USP15: variants seen among roughly 807,000 people sequenced by gnomAD.
The protein encoded by USP15 is ubiquitin specific peptidase 15.
A neutral mutation model predicts 127.1 loss-of-function variants in USP15; 18 were observed. The ratio of observed to expected loss-of-function variants is 0.14; its 90% CI spans 0.10 to 0.21. The LOEUF (loss-of-function observed/expected upper bound fraction) is 0.21. Ranked by LOEUF, USP15 falls within the 10% of genes least tolerant of loss-of-function variation. USP15 has a pLI of 1.00. For missense variants in USP15, 805 were observed against 1,159.9 expected (o/e 0.69, Z 4.44); for synonymous variants, 364 against 393.7 (o/e 0.92, Z 0.89).
Position 62,304,628 on chromosome 12 carries a change from A to T in USP15, c.348+1708A>T, listed in dbSNP as rs148283876. The T allele has an allele frequency of 5.5e-4, 234 of 428,608 alleles. 1 individual carries two copies. The highest frequency in any genetic ancestry group is 4.7e-3 in the African/African-American group (226 of 48,514). The allele number at this position is 428,608 out of a possible 1,614,324, so 26.6% of individuals were successfully genotyped here. On this transcript the variant is annotated intron_variant, in intron 3 of 21. Transcript: ENST00000280377. ...AGCTATAATGCAGAAACCAAGTTAA[A>T]CATCTTCCTGTACCTCAAAGATCTC...
At chr12:62,318,804 C>T (rs1159025800) in intron 4 of USP15, among the ~76,000 whole-genome samples, 1 of 152,180 alleles carries the variant, frequency 6.6e-6, no homozygotes, top group African/African-American at 2.4e-5. Context: ...ATTCCCACTT[C>T]TGCTCTTCCA....
At chr12:62,265,871 G>T (rs2063180394) in intron 1 of USP15, among the ~76,000 whole-genome samples, 1 of 152,116 alleles carries the variant, frequency 6.6e-6, no homozygotes, top group South Asian at 2.1e-4. Flanking sequence ...TTATTTTAAA[G>T]ATTCATTTTT....
chr12:62,285,253 C>G (rs2063756081), intron 1 of USP15, among the ~76,000 whole-genome samples: 2 of 152,098 alleles, frequency 1.3e-5, no homozygotes, highest in African/African-American at 4.8e-5. Flanking sequence ...CCCTCTCCTG[C>G]CTCCCACCCT....
At chr12:62,292,444 ACCTGGG>A (rs2063999577) in intron 1 of USP15, among the ~76,000 whole-genome samples, 1 of 152,292 alleles carries the variant, frequency 6.6e-6, no homozygotes, top group African/African-American at 2.4e-5. Context: ...TTTCTCATGA[ACCTGGG>A]CCCAGAGGCC....
rs1313876121 is a variant in USP15 at position 62,411,674 on chromosome 12, A to G, written c.*7299A>G. 1.3e-5 allele frequency: 2 copies of G among 152,230 alleles called. No individual in the cohort carries two copies. The highest frequency in any genetic ancestry group is 2.9e-5 in the Non-Finnish European group (2 of 68,050). 9.4% of individuals were successfully genotyped at this position (152,230 alleles called of 1,614,324 possible). ...ATAGTCTGCTCAGGCTGCCATAACAAACACAGACTGGGTGGCTTAAATAAC... is the reference window on the plus strand; with the variant it reads ...ATAGTCTGCTCAGGCTGCCATAACAGACACAGACTGGGTGGCTTAAATAAC... On this transcript the variant is annotated 3_prime_UTR_variant, in exon 22 of 22. Coordinates refer to ENST00000280377, the MANE Select transcript of USP15 (RefSeq NM_001252078.2).
At chr12:62,357,119 A>C (rs2066156042) in intron 8 of USP15, among the ~76,000 whole-genome samples, 1 of 152,036 alleles carries the variant, frequency 6.6e-6, no homozygotes, top group Admixed American at 6.6e-5. Flanking sequence ...TTTCAACAAC[A>C]TAGGGATTCA....
At chr12:62,293,980 A>G (rs2064054282) in intron 1 of USP15, among the ~76,000 whole-genome samples, 199 bp from the exon 2 acceptor site, 4 of 152,282 alleles carry the variant, frequency 2.6e-5, no homozygotes, top group Admixed American at 1.3e-4. Flanking sequence ...TAAGTAGTAT[A>G]TATTTATAGA....
intron 3 of USP15, chr12:62,303,423 T>G (rs1433269407): frequency 6.6e-6 from 1 of 152,388 alleles, no homozygotes; most frequent in East Asian, 1.9e-4. Flanking sequence ...ACCAATTTCG[T>G]TTTTTTAGGG....
intron 8 of USP15, among the ~76,000 whole-genome samples, chr12:62,371,258 T>A (rs2137525992): frequency 6.6e-6 from 1 of 152,326 alleles, no homozygotes; most frequent in East Asian, 1.9e-4. Flanking sequence ...TCTTTGTATA[T>A]ACTGTTACCG....
chr12:62,368,397 T>G (rs2066551258), intron 8 of USP15, among the ~76,000 whole-genome samples: 1 of 152,192 alleles, frequency 6.6e-6, no homozygotes, highest in Non-Finnish European at 1.5e-5. Flanking sequence ...CTGTCTAATA[T>G]TAACAGTGGG....
At chr12:62,321,737 G>A in intron 5 of USP15, 128 bp downstream of exon 5, 1 of 665,960 alleles carries the variant, frequency 1.5e-6, no homozygotes, top group African/African-American at 1.9e-5. Flanking sequence ...CTCATCTCTT[G>A]TCTTTCCTTG....
intron 1 of USP15, among the ~76,000 whole-genome samples, chr12:62,288,434 T>C (rs1345293576): frequency 6.6e-6 from 1 of 151,416 alleles, no homozygotes; most frequent in African/African-American, 2.4e-5. Flanking sequence ...ATAAAATTGC[T>C]TCTGGTTTTT....
At chr12:62,260,988 A>C (rs1430762348) in intron 1 of USP15, among the ~76,000 whole-genome samples, 1 of 152,124 alleles carries the variant, frequency 6.6e-6, no homozygotes, top group Non-Finnish European at 1.5e-5. Context: ...GGCAGGCTGC[A>C]GGATGTTTGC....
In USP15 at chr12:62,410,003, T is replaced by C. The variant is rs1431097821; in HGVS notation, c.*5628T>C. ...GTTCATGATTAAGTATGCTAAGTTT[T>C]AAGTAATTTAGACTAATGTATTAAA... On this transcript the variant is annotated 3_prime_UTR_variant, in exon 22 of 22. Transcript: ENST00000280377. 1 of 152,156 alleles carries C rather than the reference T, an allele frequency of 6.6e-6. No individual in the cohort carries two copies. Among genetic ancestry groups the C allele is most frequent in the African/African-American group, 2.4e-5 (1 of 41,458 alleles). 9.4% of individuals were successfully genotyped at this position (152,156 alleles called of 1,614,324 possible). A position where few individuals can be genotyped will look rare whatever the true frequency, so the allele number is the denominator to read the frequency against.
At position 62,350,952 on chromosome 12, in the gene USP15, C is replaced by T. The variant is rs181684327; in HGVS notation, c.770+1645C>T. Among the ~76,000 whole-genome samples the T allele has an allele frequency of 1.2e-3, 185 of 152,004 alleles. 1 individual carries two copies. Among genetic ancestry groups the T allele is most frequent in the Non-Finnish European group, 2.2e-3 (148 of 67,996 alleles). On this transcript the variant is annotated intron_variant, in intron 7 of 21. Coordinates refer to ENST00000280377, the MANE Select transcript of USP15 (RefSeq NM_001252078.2). ...GATAAATATTTTACATTTTCACATT[C>T]ACTACTGATTAGAGATATGTAAATT...
chr12:62,268,988 A>G (rs1333310522), intron 1 of USP15, among the ~76,000 whole-genome samples: 1 of 146,932 alleles, frequency 6.8e-6, no homozygotes, highest in Non-Finnish European at 1.5e-5. Context: ...TTTTATATAA[A>G]TGGAATCGTA....
chr12:62,342,668 G>T (rs922697623), intron 6 of USP15, among the ~76,000 whole-genome samples: 1 of 152,214 alleles, frequency 6.6e-6, no homozygotes, highest in African/African-American at 2.4e-5. Flanking sequence ...TCTTCTGCAG[G>T]TCTGCTGCAG....
intron 1 of USP15, among the ~76,000 whole-genome samples, chr12:62,268,124 T>A (rs2063242660): frequency 6.6e-6 from 1 of 152,134 alleles, no homozygotes; most frequent in African/African-American, 2.4e-5. Context: ...GTTCTCTAGA[T>A]ACAGGTTCCA....
At position 62,304,535 on chromosome 12, in the gene USP15, C is replaced by A. The variant is rs185149950; in HGVS notation, c.348+1615C>A. 5.0e-5 allele frequency: 13 copies of A among 262,010 alleles called. No homozygotes were observed. In the East Asian group the frequency reaches 1.0e-3, roughly 21 times the overall value. The allele number at this position is 262,010 out of a possible 1,614,324, so 16.2% of individuals were successfully genotyped here. A position where few individuals can be genotyped will look rare whatever the true frequency, so the allele number is the denominator to read the frequency against. ...AAGTAAATAGACCAGCTTATAGTGT[C>A]TGAAGCCCAACTTTCAATGTTACCC... On this transcript the variant is annotated intron_variant, in intron 3 of 21. Transcript: ENST00000280377.
Sources: allele counts gnomAD v4.1 joint callset (sites outside exome capture counted in the v4.1 genomes callset), GRCh38; gene constraint gnomAD v4.1.1; transcripts MANE v1.5; gene names NCBI Gene and HGNC (gene_info 2026-07-23, HGNC 2026-07-21).